SINHCAF: variants seen among roughly 807,000 people sequenced by gnomAD.
The protein encoded by SINHCAF is SIN3-HDAC complex-associated factor.
SINHCAF carries 3 observed loss-of-function variants against 25.8 expected under a neutral mutation model. That is an observed-to-expected ratio of 0.12 (90% CI 0.05 to 0.30). The LOEUF is 0.30. Ranked by LOEUF, SINHCAF falls within the 10% of genes least tolerant of loss-of-function variation. SINHCAF has a pLI of 1.00. For missense variants in SINHCAF, 121 were observed against 262.3 expected (o/e 0.46, Z 3.72); for synonymous variants, 70 against 85.5 (o/e 0.82, Z 1.00).
chr12:31,311,207 G>A (rs934504582), intron 1 of SINHCAF, among the ~76,000 whole-genome samples: 6 of 152,116 alleles, frequency 3.9e-5, no homozygotes, highest in South Asian at 2.1e-4. Context: ...ATACCCACGC[G>A]TCTTTGAGCC....
intron 2 of SINHCAF, 47 bp from the exon 3 acceptor site, chr12:31,295,380 G>C: frequency 8.0e-7 from 1 of 1,248,686 alleles, no homozygotes; most frequent in Non-Finnish European, 1.2e-6. Context: ...TTACCTTAAA[G>C]AATTCATGCA....
intron 1 of SINHCAF, among the ~76,000 whole-genome samples, chr12:31,315,005 TGACTAAGTCAG>T (rs1373904210): frequency 6.6e-6 from 1 of 152,244 alleles, no homozygotes. Context: ...CTCATTAGAT[TGACTAAGTCAG>T]GAGGTGTTCT....
Position 31,282,521 on chromosome 12 carries a change from C to T in SINHCAF, c.*191G>A. The T allele has an allele frequency of 2.2e-6, 1 of 450,348 alleles. No individual in the cohort carries two copies. The highest frequency in any genetic ancestry group is 3.9e-6 in the Non-Finnish European group (1 of 256,020). The allele number at this position is 450,348 out of a possible 1,614,324, so 27.9% of individuals were successfully genotyped here. On this transcript the variant is annotated 3_prime_UTR_variant, in exon 6 of 6. Coordinates refer to ENST00000337682, the MANE Select transcript of SINHCAF (RefSeq NM_001135812.2). ...CCTATAAACCCAGCTACTTGGGAGG[C>T]TGAGGCAGGAGAATCACTTGAACCC... is the stretch of plus-strand genomic sequence containing the variant.
chr12:31,308,142 T>C (rs1424278962), intron 1 of SINHCAF, among the ~76,000 whole-genome samples: 1 of 152,226 alleles, frequency 6.6e-6, no homozygotes, highest in Non-Finnish European at 1.5e-5. Flanking sequence ...GGTTTCACCA[T>C]GTTGCCCGTG....
intron 4 of SINHCAF, among the ~76,000 whole-genome samples, chr12:31,288,063 G>A (rs935033117): frequency 6.6e-6 from 1 of 152,054 alleles, no homozygotes; most frequent in African/African-American, 2.4e-5. Flanking sequence ...AAAAGGTGAT[G>A]ATCATCTAGG....
intron 1 of SINHCAF, chr12:31,311,579 T>C (rs1939270536): frequency 3.3e-6 from 1 of 303,396 alleles, no homozygotes; most frequent in Admixed American, 4.5e-5. Context: ...AGCAAGCCAG[T>C]GAGTGGGTCC....
chr12:31,282,445 A>G lies in SINHCAF; in HGVS notation c.*267T>C. ...TAAGACCAGCCTGGCCAACGTGGTG[A>G]AACCCCGTCTCTACTAAAACTAAAA... On this transcript the variant is annotated 3_prime_UTR_variant, in exon 6 of 6. Coordinates refer to ENST00000337682, the MANE Select transcript of SINHCAF (RefSeq NM_001135812.2). 1 of 271,130 alleles carries G rather than the reference A, an allele frequency of 3.7e-6. No individual in the cohort carries two copies. Among genetic ancestry groups the G allele is most frequent in the Non-Finnish European group, 6.8e-6 (1 of 146,444 alleles). The allele number at this position is 271,130 out of a possible 1,614,324, so 16.8% of individuals were successfully genotyped here. A position where few individuals can be genotyped will look rare whatever the true frequency, so the allele number is the denominator to read the frequency against.
chr12:31,285,852 G>A (rs902504702), intron 5 of SINHCAF, among the ~76,000 whole-genome samples: 21 of 152,116 alleles, frequency 1.4e-4, no homozygotes, highest in Admixed American at 3.3e-4. Flanking sequence ...GTGCGTGCCT[G>A]TAGACCCAGC....
At chr12:31,300,848 A>G (rs1479288363) in intron 1 of SINHCAF, among the ~76,000 whole-genome samples, 1 of 152,154 alleles carries the variant, frequency 6.6e-6, no homozygotes, top group Non-Finnish European at 1.5e-5. Context: ...AGTTCCTCTA[A>G]TACTCTCCAA....
rs1939293232 is a variant in SINHCAF, at chr12:31,312,112, T to C, written c.-20-13888A>G. ...GGTCCCAATGGTAACAACTGACATT[T>C]ATCACCATCAATTGGTTTTTCCTGT... On this transcript the variant is annotated intron_variant, in intron 1 of 5. Transcript: ENST00000337682. 3 of 449,892 alleles carry C rather than the reference T, an allele frequency of 6.7e-6. No homozygotes were observed. In the Admixed American group the frequency reaches 8.0e-5, roughly 12 times the overall value. 27.9% of individuals were successfully genotyped at this position (449,892 alleles called of 1,614,324 possible). A position where few individuals can be genotyped will look rare whatever the true frequency, so the allele number is the denominator to read the frequency against.
intron 1 of SINHCAF, among the ~76,000 whole-genome samples, chr12:31,308,334 G>T (rs1939119781): frequency 6.6e-6 from 1 of 152,114 alleles, no homozygotes; most frequent in Non-Finnish European, 1.5e-5. Flanking sequence ...GGTACAAAAG[G>T]GTTGAGTCAC....
In SINHCAF at chr12:31,285,414, T is replaced by TACACACACAC. The variant is rs1258167143; in HGVS notation, c.506+2219_506+2220insGTGTGTGTGT. Reference sequence around the variant, plus strand: ...CAACATAGACATATATTTATATATATACATACACACACACACACACACACA... The same window carrying TACACACACAC: ...CAACATAGACATATATTTATATATATACACACACACACATACACACACACACACACACACA... On this transcript the variant is annotated intron_variant, in intron 5 of 5. Transcript: ENST00000337682. 9.3e-3 allele frequency among the ~76,000 whole-genome samples: 409 copies of TACACACACAC among 43,940 alleles called. 5 individuals carry two copies. The highest frequency in any genetic ancestry group is 0.027 in the African/African-American group (380 of 13,930). The allele number at this position is 43,940 out of a possible 152,430, so 28.8% of individuals were successfully genotyped here. A position where few individuals can be genotyped will look rare whatever the true frequency, so the allele number is the denominator to read the frequency against.
At chr12:31,311,819 C>A in intron 1 of SINHCAF, 1 of 486,246 alleles carries the variant, frequency 2.1e-6, no homozygotes, top group South Asian at 1.8e-5. Context: ...GTGGGTCAGA[C>A]CAAAGATGGG....
chr12:31,282,473 T>A lies in SINHCAF; in HGVS notation c.*239A>T. The A allele has an allele frequency of 3.0e-6, 1 of 329,150 alleles. No individual in the cohort carries two copies. Among genetic ancestry groups the A allele is most frequent in the Non-Finnish European group, 5.5e-6 (1 of 182,920 alleles). The allele number at this position is 329,150 out of a possible 1,614,324, so 20.4% of individuals were successfully genotyped here. ...CCCCGTCTCTACTAAAACTAAAAAA[T>A]TAGCCGGGTCTGGTGGCGGGCACCT... On this transcript the variant is annotated 3_prime_UTR_variant, in exon 6 of 6. Transcript: ENST00000337682.
intron 1 of SINHCAF, among the ~76,000 whole-genome samples, chr12:31,309,046 TG>T (rs1939148949): frequency 6.7e-6 from 1 of 149,452 alleles, no homozygotes; most frequent in Admixed American, 6.8e-5. Flanking sequence ...GAGAATCACT[TG>T]ATCCCAGGAG....
At chr12:31,313,243 TCTCGAACTCCTGAC>T (rs1216234951) in intron 1 of SINHCAF, among the ~76,000 whole-genome samples, 1 of 152,132 alleles carries the variant, frequency 6.6e-6, no homozygotes, top group South Asian at 2.1e-4. Flanking sequence ...GCCAGGCTGG[TCTCGAACTCCTGAC>T]CTCAGGTGAT....
At chr12:31,307,822 A>T (rs1939098956) in intron 1 of SINHCAF, among the ~76,000 whole-genome samples, 1 of 152,100 alleles carries the variant, frequency 6.6e-6, no homozygotes, top group Non-Finnish European at 1.5e-5. Flanking sequence ...GAGTCATTGG[A>T]TCTAACTGCT....
chr12:31,325,856 G>C lies in SINHCAF; in HGVS notation c.-21+168C>G, dbSNP rs1471767156. ...CGTACCAAAGAACCTGGGGTCTGAA[G>C]ATCACGAAAACAGCGCTCCCAACAA... On this transcript the variant is annotated intron_variant, in intron 1 of 5. Coordinates refer to ENST00000337682, the MANE Select transcript of SINHCAF (RefSeq NM_001135812.2). The surrounding 1 kb of genome is among the most constrained non-coding windows in gnomAD (Gnocchi z 5.9). The C allele has an allele frequency of 6.6e-6, 1 of 152,140 alleles. No homozygotes were observed. Among genetic ancestry groups the C allele is most frequent in the African/African-American group, 2.4e-5 (1 of 41,350 alleles). The allele number at this position is 152,140 out of a possible 1,614,324, so 9.4% of individuals were successfully genotyped here.
At chr12:31,302,802 G>T in intron 1 of SINHCAF, 2 of 357,082 alleles carry the variant, frequency 5.6e-6, no homozygotes, top group African/African-American at 2.2e-5. Flanking sequence ...CTGGCGGAAG[G>T]ATGATTGATT....
Sources: allele counts gnomAD v4.1 joint callset (sites outside exome capture counted in the v4.1 genomes callset), GRCh38; gene constraint gnomAD v4.1.1; non-coding constraint Gnocchi (gnomAD v3.1); transcripts MANE v1.5; gene names NCBI Gene and HGNC (gene_info 2026-07-23, HGNC 2026-07-21).